The following FSTL4 variants were observed in gnomAD, a reference collection of about 807,000 sequenced individuals.
The protein encoded by FSTL4 is follistatin-related protein 4.
A neutral mutation model predicts 78.2 loss-of-function variants in FSTL4; 28 were observed. The ratio of observed to expected loss-of-function variants is 0.36; its 90% CI spans 0.27 to 0.49. The LOEUF (loss-of-function observed/expected upper bound fraction) is 0.49, where lower values mean the gene tolerates loss of function less well. FSTL4 is among the 20% of genes least tolerant of loss of function. FSTL4 has a pLI of 0.98. For synonymous variants in FSTL4, 422 were observed against 440.5 expected (o/e 0.96, Z 0.53); for missense variants, 922 against 1,084.9 (o/e 0.85, Z 2.11).
intron 4 of FSTL4, among the ~76,000 whole-genome samples, chr5:133,359,598 T>C (rs1755026247): frequency 6.6e-6 from 1 of 152,218 alleles, no homozygotes; most frequent in Admixed American, 6.5e-5. Flanking sequence ...GTCTGTATCT[T>C]GATTGGCATA....
the FSTL4 span, among the ~76,000 whole-genome samples, chr5:133,831,429 C>T: frequency 4.6e-5 from 7 of 151,620 alleles, no homozygotes; most frequent in South Asian, 1.5e-3. Context: ...CCCGAGAACT[C>T]CACACGCAAC....
intron 7 of FSTL4, among the ~76,000 whole-genome samples, chr5:133,235,326 AAAACAAAC>A (rs879553239): frequency 6.6e-6 from 1 of 151,992 alleles, no homozygotes; most frequent in Non-Finnish European, 1.5e-5. Flanking sequence ...CTAAAAATAC[AAAACAAAC>A]AAACAAACAA....
intron 12 of FSTL4, 136 bp downstream of exon 12, chr5:133,220,612 C>T: frequency 7.4e-6 from 5 of 677,774 alleles, no homozygotes; most frequent in Admixed American, 2.2e-5. Context: ...CCTCTCTTAG[C>T]CTGGGAAAAA....
intron 2 of FSTL4, among the ~76,000 whole-genome samples, chr5:133,600,142 C>T (rs380601): frequency 0.057 from 8,676 of 152,074 alleles, 300 homozygotes; most frequent in Non-Finnish European, 0.073. Flanking sequence ...TTTTAAGTGC[C>T]CATACATCCC....
chr5:133,524,626 G>A (rs985850176), intron 3 of FSTL4, among the ~76,000 whole-genome samples: 3 of 152,194 alleles, frequency 2.0e-5, no homozygotes, highest in African/African-American at 7.2e-5. Flanking sequence ...CTTTGGACCC[G>A]TACTTGCAAT....
the FSTL4 span, among the ~76,000 whole-genome samples, chr5:133,656,450 C>A: frequency 6.6e-6 from 1 of 152,150 alleles, no homozygotes; most frequent in African/African-American, 2.4e-5. Flanking sequence ...TCTGAGAAAG[C>A]CCTTGGGCAA....
intron 6 of FSTL4, among the ~76,000 whole-genome samples, chr5:133,256,956 AG>A (rs1752394837): frequency 6.6e-6 from 1 of 152,226 alleles, no homozygotes; most frequent in Admixed American, 6.5e-5. Flanking sequence ...ATTACAGTTT[AG>A]TTATCAAGTT....
At chr5:133,282,894 T>C (rs1326381350) in intron 6 of FSTL4, among the ~76,000 whole-genome samples, 1 of 152,248 alleles carries the variant, frequency 6.6e-6, no homozygotes, top group Non-Finnish European at 1.5e-5. Flanking sequence ...CAACTTTCTC[T>C]AAACAAATAC....
chr5:133,222,036 T>G (rs1426952676), intron 11 of FSTL4, among the ~76,000 whole-genome samples: 1 of 151,254 alleles, frequency 6.6e-6, no homozygotes, highest in African/African-American at 2.4e-5. Flanking sequence ...TTCCAACAAC[T>G]CTGCATGCAG....
At chr5:133,303,950 C>T (rs1753604199) in intron 6 of FSTL4, among the ~76,000 whole-genome samples, 1 of 152,168 alleles carries the variant, frequency 6.6e-6, no homozygotes, top group Non-Finnish European at 1.5e-5. Context: ...TGGGGGCACT[C>T]CCTGTTACCC....
the FSTL4 span, among the ~76,000 whole-genome samples, chr5:133,712,986 T>C: frequency 6.6e-6 from 1 of 152,158 alleles, no homozygotes; most frequent in Non-Finnish European, 1.5e-5. Context: ...AAGGCCAGAA[T>C]TCCATCCTAC....
At chr5:133,761,701 G>A in the FSTL4 span, among the ~76,000 whole-genome samples, 1 of 152,090 alleles carries the variant, frequency 6.6e-6, no homozygotes, top group African/African-American at 2.4e-5. Flanking sequence ...CTGAATTCCT[G>A]GGTACTTGGC....
At chr5:133,694,315 G>C in the FSTL4 span, among the ~76,000 whole-genome samples, 6 of 152,228 alleles carry the variant, frequency 3.9e-5, no homozygotes, top group Non-Finnish European at 5.9e-5. Context: ...AGATATACCC[G>C]AGGGCCTAAA....
chr5:133,774,243 G>A, the FSTL4 span, among the ~76,000 whole-genome samples: 1 of 152,304 alleles, frequency 6.6e-6, no homozygotes, highest in Non-Finnish European at 1.5e-5. Context: ...CTAAGTATGA[G>A]GATTACAGAG....
chr5:133,599,127 G>A (rs1382678962), intron 2 of FSTL4, among the ~76,000 whole-genome samples: 2 of 152,152 alleles, frequency 1.3e-5, no homozygotes, highest in African/African-American at 4.8e-5. Context: ...GGACACTAGC[G>A]TTAAGACAAT....
intron 3 of FSTL4, among the ~76,000 whole-genome samples, chr5:133,480,704 G>C (rs1758009373): frequency 6.6e-6 from 1 of 151,960 alleles, no homozygotes; most frequent in Non-Finnish European, 1.5e-5. Flanking sequence ...GAGGCCTCTG[G>C]GCAGTCCCCT....
At position 133,572,718 on chromosome 5, in the gene FSTL4, G is replaced by A. The variant is rs190102422; in HGVS notation, c.127-5499C>T. On this transcript the variant is annotated intron_variant, in intron 2 of 15. Coordinates refer to ENST00000265342, the MANE Select transcript of FSTL4 (RefSeq NM_015082.2). ...GTAGAACTAAAATACATAGTAATATGATTTTTTTAAAAAAGATCAGGAGGT... is the reference window on the plus strand; with the variant it reads ...GTAGAACTAAAATACATAGTAATATAATTTTTTTAAAAAAGATCAGGAGGT... 1.8e-3 allele frequency among the ~76,000 whole-genome samples: 274 copies of A among 152,094 alleles called. 2 individuals are homozygous for A. The highest frequency in any genetic ancestry group is 6.3e-3 in the African/African-American group (260 of 41,480).
the FSTL4 span, among the ~76,000 whole-genome samples, chr5:133,762,182 G>T: frequency 6.6e-6 from 1 of 152,132 alleles, no homozygotes; most frequent in Admixed American, 6.5e-5. Context: ...CTTCAGGTTG[G>T]ATTTTTCTAG....
intron 4 of FSTL4, among the ~76,000 whole-genome samples, chr5:133,318,010 C>A (rs1420918960): frequency 2.0e-5 from 3 of 152,200 alleles, no homozygotes; most frequent in Non-Finnish European, 4.4e-5. Flanking sequence ...GCCTGGACAG[C>A]CCAACCACTT....
Sources: gnomAD v4.1 joint callset for allele counts (sites outside exome capture counted in the v4.1 genomes callset) on GRCh38, gnomAD v4.1.1 for gene constraint, MANE v1.5 for transcripts, NCBI Gene and HGNC (gene_info 2026-07-23, HGNC 2026-07-21) for gene names.